Variants in CELSR1 observed in about 807,000 individuals in gnomAD.
CELSR1 encodes the protein cadherin EGF LAG seven-pass G-type receptor 1, also known as adhesion G protein-coupled receptor C1.
In CELSR1, 110 loss-of-function variants were observed where a neutral mutation model predicts 249.1. The observed-to-expected ratio is 0.44, with a 90% CI of 0.38 to 0.52. The LOEUF is 0.52. Among genes scored for constraint, CELSR1 ranks in the 20% least tolerant of loss-of-function variants. The pLI, the probability that CELSR1 is intolerant of heterozygous loss-of-function variation, is 0.00. For missense variants in CELSR1, 4,109 were observed against 4,296.4 expected, an observed-to-expected ratio of 0.96 and a Z score of 1.22; for synonymous variants, 2,113 against 1,900.0, an observed-to-expected ratio of 1.11 and a Z score of -2.92.
chr22:46,380,755 G>A lies in CELSR1; in HGVS notation c.7256+33C>T, dbSNP rs775388961. 1.9e-6 allele frequency: 3 copies of A among 1,603,646 alleles called. No individual in the cohort carries two copies. Among genetic ancestry groups the A allele is most frequent in the Admixed American group, 1.7e-5 (1 of 59,718 alleles). Reference sequence around the variant, plus strand: ...TGCGGGGGCACTCTGCCTTGGCAAAGCCCTCACATGGGGCTCCTGGCGTCA... The same window carrying A: ...TGCGGGGGCACTCTGCCTTGGCAAAACCCTCACATGGGGCTCCTGGCGTCA... On this transcript the variant is annotated intron_variant, in intron 22 of 34. Transcript: ENST00000674500. This position sits in a 1 kb window ranked among gnomAD's most constrained non-coding sequence, Gnocchi z 5.1.
intron 5 of CELSR1, among the ~76,000 whole-genome samples, chr22:46,421,910 T>TC (rs1227596265): frequency 1.4e-4 from 21 of 152,098 alleles, no homozygotes; most frequent in African/African-American, 4.3e-4. Flanking sequence ...AGCATCCCCA[T>TC]CCCCTCCTCT....
rs1012957302 is a variant in CELSR1, at chr22:46,458,899, GTGTTTT to G, written c.4183+4802_4183+4807del. Reference sequence around the variant, plus strand: ...TCCCAGTTTAGGTTTTTTTTTGTTTGTGTTTTTGTTTTTGAGACAGTCTCACTCTGT... The same window carrying G: ...TCCCAGTTTAGGTTTTTTTTTGTTTGTGTTTTTGAGACAGTCTCACTCTGT... On this transcript the variant is annotated intron_variant, in intron 2 of 34. Coordinates refer to ENST00000674500, the MANE Select transcript of CELSR1 (RefSeq NM_001378328.1). Among the ~76,000 whole-genome samples, 5 of 151,876 alleles carry G rather than the reference GTGTTTT, an allele frequency of 3.3e-5. No homozygotes were observed. The East Asian group carries it at 5.8e-4, about 18-fold the overall frequency.
Position 46,429,433 on chromosome 22 carries a change from G to A in CELSR1, c.4611+3960C>T, listed in dbSNP as rs2052954449. On this transcript the variant is annotated intron_variant, in intron 5 of 34. Coordinates refer to ENST00000674500, the MANE Select transcript of CELSR1 (RefSeq NM_001378328.1). This position sits in a 1 kb window ranked among gnomAD's most constrained non-coding sequence, Gnocchi z 4.1. ...CCCCAAACCTCCCGGCGTGGCTGTG[G>A]GCGTGGGGGCTGTGTTGTTCATCTG... is the stretch of plus-strand genomic sequence containing the variant. 1.3e-5 allele frequency among the ~76,000 whole-genome samples: 2 copies of A among 152,236 alleles called. No homozygotes were observed. Among genetic ancestry groups the A allele is most frequent in the South Asian group, 4.1e-4 (2 of 4,834 alleles).
At chr22:46,456,617 T>C (rs534402810) in intron 2 of CELSR1, among the ~76,000 whole-genome samples, 2,522 of 141,620 alleles carry the variant, frequency 0.018, 39 homozygotes, top group Non-Finnish European at 0.027. Context: ...GAGCCGAGAT[T>C]GTGCCGCTGC....
At position 46,411,573 on chromosome 22, in the gene CELSR1, C is replaced by A. The variant is rs1355448158; in HGVS notation, c.4769+29G>T. ...GTGAGCATGTTTGGGGGTACGGACC[C>A]CCAGGGCCTCCCCTCCTGGGATGCT... On this transcript the variant is annotated intron_variant, in intron 6 of 34. Coordinates refer to ENST00000674500, the MANE Select transcript of CELSR1 (RefSeq NM_001378328.1). The surrounding 1 kb of genome is among the most constrained non-coding windows in gnomAD (Gnocchi z 4.2). 1 of 1,613,244 alleles carries A rather than the reference C, an allele frequency of 6.2e-7. No homozygotes were observed. Among genetic ancestry groups the A allele is most frequent in the East Asian group, 2.2e-5 (1 of 44,858 alleles).
chr22:46,530,737 T>C (rs2080783051), intron 1 of CELSR1, among the ~76,000 whole-genome samples: 1 of 152,220 alleles, frequency 6.6e-6, no homozygotes, highest in Non-Finnish European at 1.5e-5. Flanking sequence ...ACAGTCACAG[T>C]GTTCAACCCC....
chr22:46,409,052 C>A lies in CELSR1; in HGVS notation c.5170G>T (p.Glu1724Ter). ...GTGGCCTCCATCAGAACGCTGTCCT[C>A]CTTCCGGGTCCGGAACATGAGCCCC... ...YLGLMFRTRK[E>*]DSVLMEATSG... Residue 1724 changes from glutamate to a stop codon, truncating the protein, a stop_gained, in exon 9 of 35, where the codon GAG (glutamate) becomes TAG (stop). Coordinates refer to ENST00000674500, the MANE Select transcript of CELSR1 (RefSeq NM_001378328.1). LOFTEE classifies it high-confidence loss of function. This position sits in a 1 kb window ranked among gnomAD's most constrained non-coding sequence, Gnocchi z 9.8. The A allele has an allele frequency of 1.2e-6, 2 of 1,613,394 alleles. No individual in the cohort carries two copies. Among genetic ancestry groups the A allele is most frequent in the Non-Finnish European group, 1.7e-6 (2 of 1,179,824 alleles).
intron 1 of CELSR1, among the ~76,000 whole-genome samples, chr22:46,479,057 G>C (rs1162823756): frequency 6.6e-6 from 1 of 151,514 alleles, no homozygotes; most frequent in African/African-American, 2.4e-5. Context: ...CCACCTCAAT[G>C]GCCAGAGCAG....
intron 1 of CELSR1, 114 bp downstream of exon 1, chr22:46,533,513 G>C: frequency 7.0e-7 from 1 of 1,423,108 alleles, no homozygotes; most frequent in Non-Finnish European, 9.3e-7. Context: ...TTGCAGAGTT[G>C]CCCGGGCCCG....
rs780247477 is a variant in CELSR1 at position 46,463,770 on chromosome 22, C to T, written c.4120G>A (p.Ala1374Thr). The T allele has an allele frequency of 6.4e-6, 10 of 1,572,814 alleles. No homozygotes were observed. The highest frequency in any genetic ancestry group is 4.5e-5 in the East Asian group (2 of 44,390). ...TCGCGGCTGCGGCAGCGGCCGTTGGCGCCGCACGGGTCGGAGTAGCAGAGG... is the reference window on the plus strand; with the variant it reads ...TCGCGGCTGCGGCAGCGGCCGTTGGTGCCGCACGGGTCGGAGTAGCAGAGG... ...IDLCYSDPCG[A>T]NGRCRSREGG... The change falls in exon 2 of 35, where the codon GCC becomes ACC. Residue 1374 changes from alanine to threonine, a missense_variant. Around this residue, in one of 7 missense-constraint regions of CELSR1, gnomAD observed 453 missense variants for 492.0 expected, o/e 0.92. Transcript: ENST00000674500.
At chr22:46,443,549 G>T (rs1045895842) in intron 2 of CELSR1, among the ~76,000 whole-genome samples, 1 of 152,216 alleles carries the variant, frequency 6.6e-6, no homozygotes, top group African/African-American at 2.4e-5. Flanking sequence ...CCCTGCAGGC[G>T]GGCCATGTGC....
rs775900657 is a variant in CELSR1, at chr22:46,384,650, G to A, written c.6776C>T (p.Thr2259Met). ...GTCGAATCGCGGGACCCTGGCTCCC[G>A]TAAAGTTGAACTTGTCAAAGATGTC... ...AVDIFDKFNF[T>M]GARVPRFDTI... Residue 2259 changes from threonine to methionine, a missense_variant, in exon 20 of 35, where the codon ACG becomes ATG. Transcript: ENST00000674500. 1.2e-5 allele frequency: 20 copies of A among 1,613,236 alleles called. No individual in the cohort carries two copies. Among genetic ancestry groups the A allele is most frequent in the East Asian group, 4.5e-5 (2 of 44,858 alleles).
At chr22:46,479,765 T>C (rs981874359) in intron 1 of CELSR1, among the ~76,000 whole-genome samples, 3 of 152,198 alleles carry the variant, frequency 2.0e-5, no homozygotes, top group Non-Finnish European at 4.4e-5. Context: ...ATGAGGTTGC[T>C]ATCAAAACAA....
Position 46,362,325 on chromosome 22 carries a change from C to G in CELSR1, c.*898G>C, listed in dbSNP as rs2078713732. On this transcript the variant is annotated 3_prime_UTR_variant, in exon 35 of 35. Transcript: ENST00000674500. ...GCCCCACAGTGACCTCAGCAGGGCT[C>G]CTCACACCTGCCTAGTGCTGCACTG... 6.6e-6 allele frequency: 1 copy of G among 152,326 alleles called. No homozygotes were observed. Among genetic ancestry groups the G allele is most frequent in the Non-Finnish European group, 1.5e-5 (1 of 68,088 alleles). 9.4% of individuals were successfully genotyped at this position (152,326 alleles called of 1,614,324 possible). A position where few individuals can be genotyped will look rare whatever the true frequency, so the allele number is the denominator to read the frequency against.
At position 46,440,757 on chromosome 22, in the gene CELSR1, A is replaced by G. The variant is rs1389395854; in HGVS notation, c.4184-1346T>C. Among the ~76,000 whole-genome samples, 1 of 152,156 alleles carries G rather than the reference A, an allele frequency of 6.6e-6. No individual in the cohort carries two copies. The highest frequency in any genetic ancestry group is 1.5e-5 in the Non-Finnish European group (1 of 68,036). On this transcript the variant is annotated intron_variant, in intron 2 of 34. Transcript: ENST00000674500. The surrounding 1 kb of genome is among the most constrained non-coding windows in gnomAD (Gnocchi z 4.7). ...AATTTCCCCCAGCTTAATGTTTAAC[A>G]TTAGGTTTTATGTATTTGTAGCCCC...
chr22:46,416,267 C>T (rs1030713207), intron 5 of CELSR1, among the ~76,000 whole-genome samples: 7 of 152,270 alleles, frequency 4.6e-5, no homozygotes, highest in South Asian at 2.1e-4. Flanking sequence ...TGTTGGAAAG[C>T]GCCGGGCACA....
At position 46,407,053 on chromosome 22, in the gene CELSR1, C is replaced by T. The variant is rs2042847773; in HGVS notation, c.5226+1943G>A. Among the ~76,000 whole-genome samples, 1 of 152,140 alleles carries T rather than the reference C, an allele frequency of 6.6e-6. No individual in the cohort carries two copies. The highest frequency in any genetic ancestry group is 2.4e-5 in the African/African-American group (1 of 41,432). ...AACAGGGTGAGTGTTCCCGTGTGGC[C>T]GACCCCAAGGCAGGAGAGGAGGCTA... On this transcript the variant is annotated intron_variant, in intron 9 of 34. Transcript: ENST00000674500. This position sits in a 1 kb window ranked among gnomAD's most constrained non-coding sequence, Gnocchi z 4.8.
At chr22:46,458,547 C>T (rs946160124) in intron 2 of CELSR1, among the ~76,000 whole-genome samples, 2 of 152,146 alleles carry the variant, frequency 1.3e-5, no homozygotes, top group African/African-American at 2.4e-5. Flanking sequence ...ACTGTGAGCC[C>T]GTGGGCTGAA....
chr22:46,363,306 G>A lies in CELSR1; in HGVS notation c.9036-59C>T. ...GGGTCAGTGAGGGTAGCGGCTTGGT[G>A]GGGCCCAAGGTTGTCACACGGGGGG... On this transcript the variant is annotated intron_variant, in intron 34 of 34. Coordinates refer to ENST00000674500, the MANE Select transcript of CELSR1 (RefSeq NM_001378328.1). The surrounding 1 kb of genome is among the most constrained non-coding windows in gnomAD (Gnocchi z 4.3). 12 of 1,482,382 alleles carry A rather than the reference G, an allele frequency of 8.1e-6. No individual in the cohort carries two copies. In the South Asian group the frequency reaches 1.4e-4, roughly 17 times the overall value. The allele number at this position is 1,482,382 out of a possible 1,614,324, so 91.8% of individuals were successfully genotyped here.
Sources: gnomAD v4.1 joint callset for allele counts (sites outside exome capture counted in the v4.1 genomes callset) on GRCh38, gnomAD v4.1.1 for gene constraint, gnomAD v4.1.1 regional missense constraint, Gnocchi (gnomAD v3.1) non-coding constraint, MANE v1.5 for transcripts, NCBI Gene and HGNC (gene_info 2026-07-23, HGNC 2026-07-21) for gene names.